The following CDC45 variants were observed in gnomAD, a reference collection of about 807,000 sequenced individuals.
The protein encoded by CDC45 is cell division cycle 45.
Under a neutral mutation model 77.8 loss-of-function variants are expected in CDC45, and 54 were observed. The observed-to-expected ratio is 0.69, with a 90% CI of 0.56 to 0.87. The LOEUF (loss-of-function observed/expected upper bound fraction) is 0.87. CDC45 is among the 40% of genes least tolerant of loss of function. The probability of loss-of-function intolerance (pLI) is 0.00; values close to 1 mark genes in which losing one functional copy is unlikely to be tolerated. For missense variants in CDC45, 649 were observed against 721.6 expected, an observed-to-expected ratio of 0.90 and a Z score of 1.15; for synonymous variants, 260 against 272.1, an observed-to-expected ratio of 0.96 and a Z score of 0.44.
intron 6 of CDC45, among the ~76,000 whole-genome samples, chr22:19,495,084 A>G (rs1224379415): frequency 6.6e-6 from 1 of 152,208 alleles, no homozygotes; most frequent in African/African-American, 2.4e-5. Context: ...ATATAAAACC[A>G]TTTCAGGAAG....
chr22:19,506,214 G>A (rs896893473), intron 10 of CDC45, among the ~76,000 whole-genome samples: 2 of 152,188 alleles, frequency 1.3e-5, no homozygotes, highest in Non-Finnish European at 2.9e-5. Context: ...GGCTGGGAAG[G>A]AGGAAGAGTG....
At chr22:19,480,273 G>T (rs929910263) in intron 2 of CDC45, 56 bp downstream of exon 2, 3 of 1,523,248 alleles carry the variant, frequency 2.0e-6, no homozygotes, top group Non-Finnish European at 2.7e-6. Context: ...AGGGTGCTGC[G>T]TGGGGGCGCA....
intron 9 of CDC45, among the ~76,000 whole-genome samples, chr22:19,501,130 A>C (rs918396174): frequency 2.0e-5 from 3 of 152,210 alleles, no homozygotes; most frequent in African/African-American, 7.2e-5. Flanking sequence ...CGGTGAGCTG[A>C]GATCGTGCCA....
At chr22:19,516,314 G>T (rs1412119284) in intron 15 of CDC45, 2 of 588,972 alleles carry the variant, frequency 3.4e-6, no homozygotes, top group Non-Finnish European at 6.1e-6. Context: ...GGTACGGGAG[G>T]GCAGGTGTTT....
rs13447190 is a variant in CDC45, at chr22:19,481,139, T to A, written c.204+94T>A. 1,158 of 784,648 alleles carry A rather than the reference T, an allele frequency of 1.5e-3. 19 individuals carry two copies. The African/African-American group carries it at 0.018, about 12-fold the overall frequency. 48.6% of individuals were successfully genotyped at this position (784,648 alleles called of 1,614,324 possible). Reference sequence around the variant, plus strand: ...TTTCCACGATAGATTAAGCGTGTATTTAAGTATCAGCTACATTAGGCAATA... The same window carrying A: ...TTTCCACGATAGATTAAGCGTGTATATAAGTATCAGCTACATTAGGCAATA... On this transcript the variant is annotated intron_variant, in intron 3 of 18. Coordinates refer to ENST00000263201, the MANE Select transcript of CDC45 (RefSeq NM_003504.5).
At chr22:19,480,915 C>A in intron 2 of CDC45, 38 bp from the exon 3 acceptor site, 1 of 1,362,246 alleles carries the variant, frequency 7.3e-7, no homozygotes, top group Non-Finnish European at 1.0e-6. Context: ...TTGCTAATGT[C>A]CTAAATAAGA....
intron 5 of CDC45, among the ~76,000 whole-genome samples, chr22:19,489,151 G>T (rs2090117838): frequency 6.6e-6 from 1 of 152,118 alleles, no homozygotes; most frequent in South Asian, 2.1e-4. Context: ...ATTCCAGCCT[G>T]GGCAACTGAG....
At chr22:19,501,328 A>G (rs557553274) in intron 9 of CDC45, among the ~76,000 whole-genome samples, 1 of 152,286 alleles carries the variant, frequency 6.6e-6, no homozygotes, top group Non-Finnish European at 1.5e-5. Context: ...CCATTGAAAT[A>G]TGGGCTGTTG....
At chr22:19,514,531 T>C (rs1175286015) in intron 13 of CDC45, among the ~76,000 whole-genome samples, 1 of 152,170 alleles carries the variant, frequency 6.6e-6, no homozygotes, top group Non-Finnish European at 1.5e-5. Flanking sequence ...CTTCTGATAC[T>C]TGCACCCGCT....
chr22:19,495,820 T>G (rs1225997455), intron 6 of CDC45, among the ~76,000 whole-genome samples, 161 bp from the exon 7 acceptor site: 1 of 152,072 alleles, frequency 6.6e-6, no homozygotes. Context: ...AGAACCTGTC[T>G]CAACAAAAAA....
At chr22:19,497,567 C>A in intron 8 of CDC45, 120 bp downstream of exon 8, 1 of 801,454 alleles carries the variant, frequency 1.2e-6, no homozygotes, top group South Asian at 1.5e-5. Context: ...GTGTCAGATG[C>A]AGCCCCTTTC....
chr22:19,505,266 C>A, intron 9 of CDC45, 96 bp from the exon 10 acceptor site: 1 of 1,469,386 alleles, frequency 6.8e-7, no homozygotes, highest in Non-Finnish European at 9.5e-7. Context: ...GAGCAGGCCC[C>A]TGAGGAAGGC....
rs1934040503 is a variant in CDC45, at chr22:19,520,315, G to C, written c.*2-166G>C. Reference sequence around the variant, plus strand: ...GTAGGACAGCTCAGCCCAGTCAAGGGGTGCTATGAGGACAGCAGGGGCCTC... The same window carrying C: ...GTAGGACAGCTCAGCCCAGTCAAGGCGTGCTATGAGGACAGCAGGGGCCTC... On this transcript the variant is annotated intron_variant, in intron 18 of 18. Coordinates refer to ENST00000263201, the MANE Select transcript of CDC45 (RefSeq NM_003504.5). The surrounding 1 kb of genome is among the most constrained non-coding windows in gnomAD (Gnocchi z 4.5). 6.6e-6 allele frequency among the ~76,000 whole-genome samples: 1 copy of C among 152,124 alleles called. No homozygotes were observed. Among genetic ancestry groups the C allele is most frequent in the Non-Finnish European group, 1.5e-5 (1 of 68,008 alleles).
intron 7 of CDC45, among the ~76,000 whole-genome samples, chr22:19,496,942 TC>T (rs1419974591): frequency 6.6e-6 from 1 of 152,094 alleles, no homozygotes; most frequent in Non-Finnish European, 1.5e-5. Flanking sequence ...CACCTGGCCT[TC>T]CTGGGAATGT....
rs1301482835 is a variant in CDC45, at chr22:19,482,729, G to A, written c.244G>A (p.Asp82Asn). 1 of 1,612,372 alleles carries A rather than the reference G, an allele frequency of 6.2e-7. No individual in the cohort carries two copies. The highest frequency in any genetic ancestry group is 8.5e-7 in the Non-Finnish European group (1 of 1,178,544). ...FILINCGANV[D>N]LLDILQPDED... ...TCTCATAAACTGTGGAGCTAATGTA[G>A]ACCTATTGGATATTCTTCAACCTGA... Residue 82 changes from aspartate (D) to asparagine (N), a missense_variant, in exon 4 of 19, where the codon GAC becomes AAC. Physicochemically the swap from Asp to Asn is conservative, Grantham distance 23 (BLOSUM62 1). Coordinates refer to ENST00000263201, the MANE Select transcript of CDC45 (RefSeq NM_003504.5).
chr22:19,490,120 G>A (rs987270702), intron 5 of CDC45, among the ~76,000 whole-genome samples: 10 of 152,104 alleles, frequency 6.6e-5, no homozygotes, highest in South Asian at 2.1e-4. Context: ...ATGTTTGCAC[G>A]ATATATCTTT....
chr22:19,504,864 G>A (rs1933072258), intron 9 of CDC45, among the ~76,000 whole-genome samples: 1 of 152,088 alleles, frequency 6.6e-6, no homozygotes, highest in South Asian at 2.1e-4. Flanking sequence ...CTTGTGACAG[G>A]GTCTACATGC....
At chr22:19,494,673 T>C (rs1437849532) in intron 6 of CDC45, 1 of 1,008,108 alleles carries the variant, frequency 9.9e-7, no homozygotes, top group South Asian at 1.4e-5. Flanking sequence ...TGTAGATACT[T>C]TGATTTACAA....
intron 17 of CDC45, among the ~76,000 whole-genome samples, chr22:19,518,234 G>A (rs1011190327): frequency 6.6e-6 from 1 of 152,236 alleles, no homozygotes; most frequent in African/African-American, 2.4e-5. Context: ...GGGTGAGGGT[G>A]CAGAGTGGGC....
Sources: allele counts gnomAD v4.1 joint callset (sites outside exome capture counted in the v4.1 genomes callset), GRCh38; gene constraint gnomAD v4.1.1; non-coding constraint Gnocchi (gnomAD v3.1); transcripts MANE v1.5; gene names NCBI Gene and HGNC (gene_info 2026-07-23, HGNC 2026-07-21).